Variants in GMDS observed in about 807,000 individuals in gnomAD.
GMDS encodes the protein GDP-mannose 4,6-dehydratase.
Under a neutral mutation model 49.9 loss-of-function variants are expected in GMDS, and 20 were observed. The ratio of observed to expected loss-of-function variants is 0.40; its 90% CI spans 0.28 to 0.58. The LOEUF (loss-of-function observed/expected upper bound fraction) is 0.58. Ranked by LOEUF, GMDS falls within the 20% of genes least tolerant of loss-of-function variation. The pLI is 0.42. For missense variants in GMDS, 362 were observed against 481.4 expected (o/e 0.75, Z 2.32); for synonymous variants, 177 against 178.6 (o/e 0.99, Z 0.07).
intron 4 of GMDS, among the ~76,000 whole-genome samples, chr6:2,085,854 T>G (rs1007101388): frequency 1.3e-5 from 2 of 152,194 alleles, no homozygotes; most frequent in Non-Finnish European, 2.9e-5. Flanking sequence ...ATTACTAAAG[T>G]CAGGCATACC....
intron 4 of GMDS, among the ~76,000 whole-genome samples, chr6:2,047,963 A>G (rs886744742): frequency 6.6e-6 from 1 of 152,204 alleles, no homozygotes; most frequent in Non-Finnish European, 1.5e-5. Context: ...AGATGAAGCT[A>G]TATCAATGTT....
chr6:2,193,000 C>T (rs777277290), intron 1 of GMDS, among the ~76,000 whole-genome samples: 7 of 152,208 alleles, frequency 4.6e-5, no homozygotes, highest in Non-Finnish European at 7.3e-5. Flanking sequence ...TAGGGCTTAA[C>T]CATTGGCTCT....
At chr6:1,722,310 A>G (rs998530480) in intron 9 of GMDS, among the ~76,000 whole-genome samples, 6 of 149,964 alleles carry the variant, frequency 4.0e-5, no homozygotes, top group Non-Finnish European at 7.4e-5. Context: ...GAAGGTCTCA[A>G]TCTCCTGACC....
chr6:1,702,872 G>A (rs1765590763), intron 9 of GMDS, among the ~76,000 whole-genome samples: 1 of 152,172 alleles, frequency 6.6e-6, no homozygotes, highest in South Asian at 2.1e-4. Context: ...CTCTGTGACA[G>A]CTCCACCCCA....
chr6:1,652,370 TA>T (rs200271939), intron 9 of GMDS, among the ~76,000 whole-genome samples: 108 of 11,902 alleles, frequency 9.1e-3, no homozygotes, highest in South Asian at 0.011. Context: ...GAAACTCCGC[TA>T]AAAAAAAAAA....
intron 4 of GMDS, among the ~76,000 whole-genome samples, chr6:2,089,173 C>A (rs1241772776): frequency 6.6e-6 from 1 of 152,150 alleles, no homozygotes; most frequent in Non-Finnish European, 1.5e-5. Flanking sequence ...GCTTCCAATA[C>A]TTTTTAGTTC....
chr6:2,151,219 C>A (rs984004747), intron 1 of GMDS, among the ~76,000 whole-genome samples: 1 of 152,004 alleles, frequency 6.6e-6, no homozygotes, highest in Non-Finnish European at 1.5e-5. Context: ...AGATGATGGA[C>A]ATTCCATTTA....
At chr6:1,656,659 G>T (rs1263919578) in intron 9 of GMDS, among the ~76,000 whole-genome samples, 2 of 152,046 alleles carry the variant, frequency 1.3e-5, no homozygotes, top group East Asian at 3.9e-4. Context: ...AAGTGCTCAG[G>T]AGGCTGAGGC....
chr6:1,882,945 G>T (rs2113826633), intron 7 of GMDS, among the ~76,000 whole-genome samples: 1 of 152,282 alleles, frequency 6.6e-6, no homozygotes, highest in East Asian at 1.9e-4. Context: ...AAGAAACTGT[G>T]TATGTAATCT....
At chr6:2,216,206 G>A (rs895123059) in intron 1 of GMDS, among the ~76,000 whole-genome samples, 3 of 152,190 alleles carry the variant, frequency 2.0e-5, no homozygotes, top group Non-Finnish European at 2.9e-5. Context: ...TTTTAAAGGG[G>A]ACAATATATG....
At chr6:1,841,157 A>C (rs1274889254) in intron 7 of GMDS, among the ~76,000 whole-genome samples, 4 of 152,212 alleles carry the variant, frequency 2.6e-5, no homozygotes, top group Non-Finnish European at 5.9e-5. Context: ...TAAAAGAATA[A>C]GGGTGGTAAG....
At chr6:1,792,079 C>A (rs1769565377) in intron 7 of GMDS, among the ~76,000 whole-genome samples, 2 of 152,206 alleles carry the variant, frequency 1.3e-5, no homozygotes, top group African/African-American at 2.4e-5. Flanking sequence ...TTTAAACTCA[C>A]TTCCCCTCTA....
At chr6:1,637,860 G>A (rs1045864088) in intron 9 of GMDS, among the ~76,000 whole-genome samples, 14 of 152,232 alleles carry the variant, frequency 9.2e-5, no homozygotes, top group Non-Finnish European at 1.8e-4. Flanking sequence ...CAAGGAAACG[G>A]CGGTGCTGGT....
chr6:2,055,485 T>G (rs1002843669), intron 4 of GMDS, among the ~76,000 whole-genome samples: 1 of 152,198 alleles, frequency 6.6e-6, no homozygotes, highest in East Asian at 1.9e-4. Flanking sequence ...TCCTACTTAC[T>G]ATCATGTCTG....
intron 4 of GMDS, among the ~76,000 whole-genome samples, chr6:1,986,527 T>C (rs1581467189): frequency 1.3e-5 from 2 of 152,188 alleles, no homozygotes; most frequent in African/African-American, 4.8e-5. Flanking sequence ...TGTCTTAAGT[T>C]TCTAAGAATG....
Position 2,014,494 on chromosome 6 carries a change from G to A in GMDS, c.346-53528C>T, listed in dbSNP as rs371012225. 1.4e-4 allele frequency among the ~76,000 whole-genome samples: 22 copies of A among 152,080 alleles called. No homozygotes were observed. The South Asian group carries it at 2.9e-3, about 20-fold the overall frequency. ...TGAACTATCTGTTAAGCAGCATACC[G>A]TTATTTAAAAGTGAATTTAAATTAG... On this transcript the variant is annotated intron_variant, in intron 4 of 10. Coordinates refer to ENST00000380815, the MANE Select transcript of GMDS (RefSeq NM_001500.4).
At chr6:2,126,990 T>A (rs1197020990) in intron 1 of GMDS, among the ~76,000 whole-genome samples, 2 of 152,216 alleles carry the variant, frequency 1.3e-5, no homozygotes, top group African/African-American at 4.8e-5. Context: ...GTTTATAGAT[T>A]CATGTGCAGA....
At chr6:1,957,524 A>C (rs1230922277) in intron 6 of GMDS, among the ~76,000 whole-genome samples, 1 of 152,250 alleles carries the variant, frequency 6.6e-6, no homozygotes, top group East Asian at 1.9e-4. Flanking sequence ...ATAGTTAAAA[A>C]TGTGGTACCA....
chr6:2,209,318 A>G (rs1157077262), intron 1 of GMDS, among the ~76,000 whole-genome samples: 1 of 152,232 alleles, frequency 6.6e-6, no homozygotes, highest in African/African-American at 2.4e-5. Flanking sequence ...AGGAAATAAA[A>G]AAGTCTGGGC....
Sources: gnomAD v4.1 joint callset for allele counts (sites outside exome capture counted in the v4.1 genomes callset) on GRCh38, gnomAD v4.1.1 for gene constraint, MANE v1.5 for transcripts, NCBI Gene and HGNC (gene_info 2026-07-23, HGNC 2026-07-21) for gene names.